Variants in PCLO observed in about 807,000 individuals in gnomAD.
PCLO encodes the protein piccolo presynaptic cytomatrix protein, also known as protein piccolo.
In PCLO, 82 loss-of-function variants were observed where a neutral mutation model predicts 427.5. The observed-to-expected ratio is 0.19, with a 90% CI of 0.16 to 0.23. PCLO has a LOEUF of 0.23. PCLO is among the 10% of genes least tolerant of loss of function. The probability of loss-of-function intolerance (pLI) is 1.00; values close to 1 mark genes in which losing one functional copy is unlikely to be tolerated. For missense variants in PCLO, 6,239 were observed against 6,115.9 expected, an observed-to-expected ratio of 1.02 and a Z score of -0.67; for synonymous variants, 2,357 against 2,155.4, an observed-to-expected ratio of 1.09 and a Z score of -2.59.
intron 10 of PCLO, among the ~76,000 whole-genome samples, chr7:82,878,727 C>A (rs1311449086): frequency 6.6e-6 from 1 of 152,126 alleles, no homozygotes; most frequent in Non-Finnish European, 1.5e-5. Context: ...ATAGACCACA[C>A]CTAGTACAGG....
chr7:82,855,259 T>G (rs1792772480), intron 10 of PCLO, among the ~76,000 whole-genome samples: 1 of 152,142 alleles, frequency 6.6e-6, no homozygotes. Context: ...TTATAAGTAC[T>G]GTAGTTTTAA....
At chr7:82,900,709 A>T (rs1459628479) in intron 9 of PCLO, among the ~76,000 whole-genome samples, 2 of 151,778 alleles carry the variant, frequency 1.3e-5, no homozygotes, top group African/African-American at 4.8e-5. Context: ...CCAGAAAAAA[A>T]ATAAATGGTG....
At chr7:82,821,850 T>C in intron 20 of PCLO, 4 of 982,776 alleles carry the variant, frequency 4.1e-6, no homozygotes, top group Non-Finnish European at 4.8e-6. Context: ...TGTAGTTTTT[T>C]GAGAATGTAA....
Position 82,941,272 on chromosome 7 carries a change from T to C in PCLO, c.11112+8204A>G, listed in dbSNP as rs78980031. ...ATTTTAAAACATACAATTATGTTGT[T>C]ACTGTCTATAGTCACCTACTATGTA... On this transcript the variant is annotated intron_variant, in intron 6 of 24. Transcript: ENST00000333891. 6.4e-3 allele frequency among the ~76,000 whole-genome samples: 975 copies of C among 152,296 alleles called. 15 individuals are homozygous for C. Among genetic ancestry groups the C allele is most frequent in the African/African-American group, 0.022 (910 of 41,564 alleles).
intron 3 of PCLO, among the ~76,000 whole-genome samples, chr7:83,100,036 C>A (rs1790697689): frequency 6.6e-6 from 1 of 152,076 alleles, no homozygotes; most frequent in South Asian, 2.1e-4. Flanking sequence ...CTCTGATATT[C>A]TAGAGATACA....
At position 82,915,387 on chromosome 7, in the gene PCLO, A is replaced by T; in HGVS notation, c.12599T>A (p.Met4200Lys). 6.2e-7 allele frequency: 1 copy of T among 1,613,552 alleles called. No individual in the cohort carries two copies. Among genetic ancestry groups the T allele is most frequent in the Non-Finnish European group, 8.5e-7 (1 of 1,179,714 alleles). Residue 4200 changes from methionine to lysine, a missense_variant, in exon 7 of 25, where the codon ATG becomes AAG. Met to Lys is a moderately conservative substitution (Grantham distance 95). This residue lies in a region of PCLO where 680 missense variants were observed against 677.3 expected (regional missense o/e 1.00). Coordinates refer to ENST00000333891, the MANE Select transcript of PCLO (RefSeq NM_033026.6). The stretch of plus-strand genomic sequence containing the variant: ...TTCTTGAATAGGTGAAAATTTTGAC[A>T]TTTTAGGGTCAATTAGTGATTTCTT... ...KHKKSLIDPK[M>K]SKFSPIQESR...
intron 6 of PCLO, 93 bp downstream of exon 6, chr7:82,949,383 A>G: frequency 1.1e-6 from 1 of 899,092 alleles, no homozygotes; most frequent in Non-Finnish European, 1.7e-6. Context: ...TTAGGTTTCT[A>G]AGGTACCAGG....
intron 9 of PCLO, 74 bp downstream of exon 9, chr7:82,902,576 TA>T: frequency 1.3e-6 from 1 of 796,798 alleles, no homozygotes; most frequent in Non-Finnish European, 2.1e-6. Flanking sequence ...GAAAGTATAA[TA>T]ATAAAAAAAT....
chr7:82,923,986 T>C (rs1203519649), intron 6 of PCLO, among the ~76,000 whole-genome samples: 1 of 152,026 alleles, frequency 6.6e-6, no homozygotes, highest in African/African-American at 2.4e-5. Flanking sequence ...TTGGCAAATG[T>C]CTCCTGGAAG....
chr7:83,071,843 C>T (rs918444425), intron 3 of PCLO, among the ~76,000 whole-genome samples: 6 of 152,078 alleles, frequency 3.9e-5, no homozygotes, highest in Non-Finnish European at 8.8e-5. Flanking sequence ...AAAGAAAATA[C>T]TCTTCAAAGA....
intron 9 of PCLO, among the ~76,000 whole-genome samples, chr7:82,886,159 CA>C (rs1364837103): frequency 6.6e-6 from 1 of 152,132 alleles, no homozygotes; most frequent in Non-Finnish European, 1.5e-5. Context: ...AGGCAGCCCA[CA>C]AGTTATAATG....
intron 3 of PCLO, among the ~76,000 whole-genome samples, chr7:83,006,762 A>G (rs1294429860): frequency 3.3e-5 from 5 of 151,422 alleles, no homozygotes; most frequent in Admixed American, 6.6e-5. Flanking sequence ...TATAATATTT[A>G]TTAAACGCAT....
At chr7:82,980,322 G>T (rs1796118466) in intron 3 of PCLO, among the ~76,000 whole-genome samples, 1 of 152,124 alleles carries the variant, frequency 6.6e-6, no homozygotes, top group Non-Finnish European at 1.5e-5. Context: ...CACCATTGCA[G>T]GAGTGGTGTC....
At chr7:82,787,700 C>T (rs1339809994) in intron 22 of PCLO, among the ~76,000 whole-genome samples, 1 of 151,976 alleles carries the variant, frequency 6.6e-6, no homozygotes, top group Admixed American at 6.6e-5. Context: ...TCTAAAACAC[C>T]CATAAACCAA....
At chr7:82,773,715 T>C (rs1392901829) in intron 22 of PCLO, among the ~76,000 whole-genome samples, 6 of 151,394 alleles carry the variant, frequency 4.0e-5, no homozygotes, top group Non-Finnish European at 7.4e-5. Flanking sequence ...TTAATCCACT[T>C]GTGCTATTCT....
intron 6 of PCLO, among the ~76,000 whole-genome samples, chr7:82,926,424 A>C: frequency 6.6e-6 from 1 of 152,310 alleles, no homozygotes; most frequent in East Asian, 1.9e-4. Context: ...TCCAGTGGCA[A>C]AAAATGTGAG....
chr7:82,953,950 A>G lies in PCLO; in HGVS notation c.7003T>C (p.Leu2335=). ...GGGTGATCAAACACGGTTTCGGATA[A>G]GCTACTTTTTGTTCGTTCGGCCTCC... ...ELEAERTKSS[L]SETVFDHPPS... Residue 2335 remains leucine, a synonymous_variant, in exon 5 of 25, where the codon TTA becomes CTA. Transcript: ENST00000333891. The G allele has an allele frequency of 1.9e-6, 3 of 1,613,918 alleles. No individual in the cohort carries two copies. Among genetic ancestry groups the G allele is most frequent in the Non-Finnish European group, 1.7e-6 (2 of 1,179,852 alleles).
intron 3 of PCLO, among the ~76,000 whole-genome samples, 165 bp from the exon 4 acceptor site, chr7:82,966,652 T>C (rs1343517443): frequency 6.6e-6 from 1 of 152,188 alleles, no homozygotes; most frequent in African/African-American, 2.4e-5. Flanking sequence ...TTTTAAAACA[T>C]TACAAAAAGG....
intron 3 of PCLO, among the ~76,000 whole-genome samples, chr7:83,061,268 T>C (rs1300138298): frequency 6.6e-6 from 1 of 152,194 alleles, no homozygotes; most frequent in African/African-American, 2.4e-5. Flanking sequence ...ATTAGAGTCC[T>C]CTTGCTATTC....
Sources: allele counts gnomAD v4.1 joint callset (sites outside exome capture counted in the v4.1 genomes callset), GRCh38; gene constraint gnomAD v4.1.1; regional missense constraint gnomAD v4.1.1; transcripts MANE v1.5; gene names NCBI Gene and HGNC (gene_info 2026-07-23, HGNC 2026-07-21).